The following AMOTL1 variants were observed in gnomAD, a reference collection of about 807,000 sequenced individuals.
AMOTL1 encodes angiomotin-like protein 1.
In AMOTL1, 45 loss-of-function variants were observed where a neutral mutation model predicts 102.9. The observed-to-expected ratio is 0.44, with a 90% CI of 0.34 to 0.56. The LOEUF (loss-of-function observed/expected upper bound fraction) is 0.56. Ranked by LOEUF, AMOTL1 falls within the 20% of genes least tolerant of loss-of-function variation. The probability of loss-of-function intolerance (pLI) is 0.01; values close to 1 mark genes in which losing one functional copy is unlikely to be tolerated. For missense variants in AMOTL1, 1,114 were observed against 1,225.6 expected (o/e 0.91, Z 1.36); for synonymous variants, 481 against 484.7 (o/e 0.99, Z 0.10).
At chr11:94,816,966 T>C (rs970302887) in intron 3 of AMOTL1, among the ~76,000 whole-genome samples, 3 of 152,164 alleles carry the variant, frequency 2.0e-5, no homozygotes, top group Admixed American at 1.3e-4. Context: ...CGCACACTGA[T>C]GCAAGACCAG....
intron 9 of AMOTL1, among the ~76,000 whole-genome samples, chr11:94,860,751 A>T (rs1952758185): frequency 6.6e-6 from 1 of 152,226 alleles, no homozygotes; most frequent in South Asian, 2.1e-4. Flanking sequence ...AGAAAATGGG[A>T]CTTCTTAATA....
At chr11:94,826,424 G>A (rs917201364) in intron 4 of AMOTL1, among the ~76,000 whole-genome samples, 6 of 152,174 alleles carry the variant, frequency 3.9e-5, no homozygotes, top group African/African-American at 1.4e-4. Flanking sequence ...AATTTATAAA[G>A]AGAAGTGATT....
intron 1 of AMOTL1, among the ~76,000 whole-genome samples, chr11:94,724,114 A>G (rs746660766): frequency 1.2e-4 from 19 of 152,014 alleles, no homozygotes; most frequent in Non-Finnish European, 2.5e-4. Context: ...CCATTGTGTG[A>G]CCTCTTCCCT....
At chr11:94,863,934 G>C (rs1952824968) in intron 9 of AMOTL1, among the ~76,000 whole-genome samples, 1 of 152,214 alleles carries the variant, frequency 6.6e-6, no homozygotes, top group Admixed American at 6.5e-5. Flanking sequence ...GTCAAGGACA[G>C]TGTCTGCCTT....
chr11:94,803,101 A>G (rs1290316442), intron 3 of AMOTL1, among the ~76,000 whole-genome samples: 1 of 152,196 alleles, frequency 6.6e-6, no homozygotes, highest in Non-Finnish European at 1.5e-5. Context: ...CTCAGTATGT[A>G]ATGAGTACTC....
chr11:94,840,165 T>C (rs1952267318), intron 6 of AMOTL1, among the ~76,000 whole-genome samples: 1 of 152,222 alleles, frequency 6.6e-6, no homozygotes, highest in Admixed American at 6.5e-5. Context: ...CTCTGGATGA[T>C]AAAAATTAAA....
intron 1 of AMOTL1, 26 bp from the exon 2 acceptor site, chr11:94,794,983 CAT>C: frequency 6.3e-7 from 1 of 1,596,952 alleles, no homozygotes; most frequent in Non-Finnish European, 8.5e-7. Context: ...GATGGGCACT[CAT>C]ATTCACTTCG....
intron 3 of AMOTL1, among the ~76,000 whole-genome samples, chr11:94,814,062 G>A (rs1951726321): frequency 6.6e-6 from 1 of 152,122 alleles, no homozygotes; most frequent in Non-Finnish European, 1.5e-5. Context: ...CTTCGGGTGG[G>A]GCTTCTATCT....
intron 1 of AMOTL1, among the ~76,000 whole-genome samples, chr11:94,708,662 A>C (rs1449541982): frequency 6.6e-6 from 1 of 152,198 alleles, no homozygotes; most frequent in Non-Finnish European, 1.5e-5. Flanking sequence ...CTATGTTGTA[A>C]GTATTCATGT....
chr11:94,791,178 G>A (rs1408929218), intron 1 of AMOTL1, among the ~76,000 whole-genome samples: 1 of 152,190 alleles, frequency 6.6e-6, no homozygotes, highest in Non-Finnish European at 1.5e-5. Context: ...GACAAATGAC[G>A]TGCAGATTTT....
intron 1 of AMOTL1, among the ~76,000 whole-genome samples, chr11:94,781,263 T>A (rs1951107267): frequency 6.6e-6 from 1 of 152,064 alleles, no homozygotes; most frequent in African/African-American, 2.4e-5. Flanking sequence ...CCAACAGGGG[T>A]CCATTCGCCT....
At chr11:94,778,499 C>G (rs1378279557) in intron 1 of AMOTL1, among the ~76,000 whole-genome samples, 2 of 152,162 alleles carry the variant, frequency 1.3e-5, no homozygotes, top group African/African-American at 4.8e-5. Context: ...ACCTCTCTGT[C>G]AAGTAGAATT....
At chr11:94,743,655 T>C (rs1392297817) in intron 3 of AMOTL1, among the ~76,000 whole-genome samples, 5 of 131,386 alleles carry the variant, frequency 3.8e-5, no homozygotes, top group African/African-American at 6.6e-5. Flanking sequence ...ATACTTCTTT[T>C]TTTTTTTTTT....
intron 6 of AMOTL1, among the ~76,000 whole-genome samples, chr11:94,843,564 A>G (rs796226663): frequency 1.5e-4 from 23 of 152,342 alleles, no homozygotes; most frequent in African/African-American, 5.1e-4. Context: ...TGACCCTTCA[A>G]TTACCCTATA....
chr11:94,768,328 G>T, upstream of AMOTL1: 2 of 1,367,374 alleles, frequency 1.5e-6, no homozygotes, highest in Non-Finnish European at 1.9e-6. Flanking sequence ...CCCGCGCGCG[G>T]GGAGCGGGGA....
At chr11:94,789,860 G>A (rs1480073042) in intron 1 of AMOTL1, among the ~76,000 whole-genome samples, 4 of 152,226 alleles carry the variant, frequency 2.6e-5, no homozygotes, top group Non-Finnish European at 5.9e-5. Context: ...GTTATAGGAG[G>A]TTATTGTAAT....
chr11:94,815,262 CT>C (rs1011345476), intron 3 of AMOTL1, among the ~76,000 whole-genome samples: 1 of 151,894 alleles, frequency 6.6e-6, no homozygotes, highest in African/African-American at 2.4e-5. Context: ...AGAAAATTAT[CT>C]TTTTTTATGT....
chr11:94,868,259 T>A (rs1390762257), intron 11 of AMOTL1, among the ~76,000 whole-genome samples: 1 of 152,254 alleles, frequency 6.6e-6, no homozygotes, highest in African/African-American at 2.4e-5. Context: ...TATGAATTGC[T>A]GGCTATCTAA....
At chr11:94,772,932 T>C (rs988959758) in intron 1 of AMOTL1, among the ~76,000 whole-genome samples, 1 of 152,238 alleles carries the variant, frequency 6.6e-6, no homozygotes, top group East Asian at 1.9e-4. Flanking sequence ...AATCTTACCA[T>C]GGTTTTAATT....
Sources: allele counts gnomAD v4.1 joint callset (sites outside exome capture counted in the v4.1 genomes callset), GRCh38; gene constraint gnomAD v4.1.1; transcripts MANE v1.5; gene names NCBI Gene and HGNC (gene_info 2026-07-23, HGNC 2026-07-21).